The following TPD52L1 variants were observed in gnomAD, a reference collection of about 807,000 sequenced individuals.
The protein encoded by TPD52L1 is tumor protein D53.
Under a neutral mutation model 28.7 loss-of-function variants are expected in TPD52L1, and 18 were observed. The observed-to-expected ratio is 0.63, with a 90% CI of 0.43 to 0.93. TPD52L1 has a LOEUF of 0.93. TPD52L1 is among the 40% of genes least tolerant of loss of function. TPD52L1 has a pLI of 0.00. For synonymous variants in TPD52L1, 75 were observed against 88.8 expected, an observed-to-expected ratio of 0.84 and a Z score of 0.88; for missense variants, 203 against 254.8, an observed-to-expected ratio of 0.80 and a Z score of 1.39.
chr6:125,220,993 A>G (rs1230460310), intron 2 of TPD52L1, among the ~76,000 whole-genome samples: 1 of 152,194 alleles, frequency 6.6e-6, no homozygotes, highest in Non-Finnish European at 1.5e-5. Context: ...TTCCCACAGA[A>G]GCAAGGCTTG....
intron 1 of TPD52L1, among the ~76,000 whole-genome samples, chr6:125,169,261 T>C (rs545749354): frequency 7.9e-5 from 12 of 152,092 alleles, no homozygotes; most frequent in African/African-American, 2.7e-4. Context: ...CTGCTTCTTC[T>C]TTCTATCTAC....
At position 125,258,435 on chromosome 6, in the gene TPD52L1, TAGA is replaced by T. The variant is rs1797733555; in HGVS notation, c.486+1281_486+1283del. On this transcript the variant is annotated intron_variant, in intron 6 of 6. Coordinates refer to ENST00000534000, the MANE Select transcript of TPD52L1 (RefSeq NM_003287.4). ...TGTTGTGAACATTTGATCTTCTTGC[TAGA>T]AGATCAAAATGAAAGGCTCAAAAAT... Among the ~76,000 whole-genome samples, 15 of 152,232 alleles carry T rather than the reference TAGA, an allele frequency of 9.9e-5. No individual in the cohort carries two copies. In the South Asian group the frequency reaches 3.1e-3, roughly 32 times the overall value.
At chr6:125,239,103 G>A (rs1221830086) in intron 3 of TPD52L1, among the ~76,000 whole-genome samples, 1 of 152,124 alleles carries the variant, frequency 6.6e-6, no homozygotes, top group African/African-American at 2.4e-5. Context: ...CAGTGTAAAA[G>A]TATTCACTTT....
intron 1 of TPD52L1, among the ~76,000 whole-genome samples, chr6:125,189,784 A>C (rs1792911225): frequency 6.6e-6 from 1 of 152,016 alleles, no homozygotes; most frequent in Admixed American, 6.6e-5. Context: ...TACTGAAGGA[A>C]CTCGATTTTA....
At chr6:125,224,843 A>G (rs1795501310) in intron 2 of TPD52L1, among the ~76,000 whole-genome samples, 1 of 152,246 alleles carries the variant, frequency 6.6e-6, no homozygotes, top group Non-Finnish European at 1.5e-5. Flanking sequence ...AATTCAGACT[A>G]GTTAGTTCAC....
Position 125,263,134 on chromosome 6 carries a change from A to G in TPD52L1, c.*172A>G. The G allele has an allele frequency of 1.4e-6, 1 of 731,302 alleles. No homozygotes were observed. The highest frequency in any genetic ancestry group is 2.1e-6 in the Non-Finnish European group (1 of 466,018). 45.3% of individuals were successfully genotyped at this position (731,302 alleles called of 1,614,324 possible). A position where few individuals can be genotyped will look rare whatever the true frequency, so the allele number is the denominator to read the frequency against. On this transcript the variant is annotated 3_prime_UTR_variant, in exon 7 of 7. Transcript: ENST00000534000. The stretch of plus-strand genomic sequence containing the variant: ...ATGATTTCCATTTGTATTTGTGTTG[A>G]TGATGGACCACTTGACCATCACATT...
intron 1 of TPD52L1, among the ~76,000 whole-genome samples, chr6:125,182,379 C>T (rs962300752): frequency 6.6e-6 from 1 of 152,020 alleles, no homozygotes; most frequent in Non-Finnish European, 1.5e-5. Flanking sequence ...GAGCTGGAGT[C>T]GTGAGCAAAG....
rs559154046 is a variant in TPD52L1, at chr6:125,262,930, C to T, written c.583C>T (p.Arg195Trp). Residue 195 changes from arginine (R) to tryptophan (W), a missense_variant, in exon 7 of 7, where the codon CGG becomes TGG. Transcript: ENST00000534000. ...ASAQSLAGGS[R>W]RTKEEELQC is the part of the protein sequence containing the mutation. ...TGCCCAGAGCTTGGCAGGAGGCTCC[C>T]GGCGGACCAAGGAGGAGGAGCTGCA... 1.4e-5 allele frequency: 23 copies of T among 1,614,108 alleles called. No individual in the cohort carries two copies. The highest frequency in any genetic ancestry group is 8.0e-5 in the African/African-American group (6 of 75,060).
At chr6:125,262,189 G>A (rs1798099077) in intron 6 of TPD52L1, 1 of 152,234 alleles carries the variant, frequency 6.6e-6, no homozygotes, top group African/African-American at 2.4e-5. Context: ...CTCCTTGCTA[G>A]GATTATGAGG....
At chr6:125,228,457 T>A (rs778770574) in intron 2 of TPD52L1, among the ~76,000 whole-genome samples, 1 of 152,256 alleles carries the variant, frequency 6.6e-6, no homozygotes, top group Non-Finnish European at 1.5e-5. Flanking sequence ...CCCTTGTTCC[T>A]TCCTTTCTTA....
chr6:125,246,659 C>T (rs374443800), intron 3 of TPD52L1, among the ~76,000 whole-genome samples: 1 of 151,964 alleles, frequency 6.6e-6, no homozygotes, highest in African/African-American at 2.4e-5. Flanking sequence ...ATTTTTTGGA[C>T]CTTCAGAGAA....
chr6:125,243,919 G>C (rs1363905824), intron 3 of TPD52L1, among the ~76,000 whole-genome samples: 1 of 151,900 alleles, frequency 6.6e-6, no homozygotes, highest in Non-Finnish European at 1.5e-5. Context: ...TCTCATTTGG[G>C]TAGACTATTT....
intron 1 of TPD52L1, among the ~76,000 whole-genome samples, chr6:125,210,240 G>A (rs1011291953): frequency 2.6e-5 from 4 of 152,160 alleles, no homozygotes; most frequent in African/African-American, 9.7e-5. Context: ...ATGAATGAAT[G>A]AATGAACAAA....
intron 1 of TPD52L1, among the ~76,000 whole-genome samples, chr6:125,204,590 C>T (rs1793996192): frequency 6.6e-6 from 1 of 152,098 alleles, no homozygotes. Flanking sequence ...CGCCATTCTC[C>T]TGCCTCAGCC....
At chr6:125,223,721 A>AAG (rs1795410495) in intron 2 of TPD52L1, among the ~76,000 whole-genome samples, 2 of 146,226 alleles carry the variant, frequency 1.4e-5, no homozygotes, top group Non-Finnish European at 3.0e-5. Context: ...AAAAAAAAAA[A>AAG]AAAAAAAAAA....
chr6:125,257,308 A>C, intron 6 of TPD52L1, 150 bp downstream of exon 6: 1 of 581,018 alleles, frequency 1.7e-6, no homozygotes, highest in Admixed American at 3.2e-5. Context: ...TATGAATAAA[A>C]CCACTATTGA....
At chr6:125,241,015 G>A (rs1461037641) in intron 3 of TPD52L1, among the ~76,000 whole-genome samples, 1 of 151,916 alleles carries the variant, frequency 6.6e-6, no homozygotes, top group African/African-American at 2.4e-5. Flanking sequence ...TGCTGATTAT[G>A]CAGAGATCTT....
At chr6:125,228,980 G>T in intron 2 of TPD52L1, 138 bp from the exon 3 acceptor site, 1 of 681,176 alleles carries the variant, frequency 1.5e-6, no homozygotes, top group Non-Finnish European at 2.4e-6. Flanking sequence ...CATCTGTATG[G>T]GGTGTATTTG....
intron 2 of TPD52L1, among the ~76,000 whole-genome samples, chr6:125,222,641 G>C (rs144980539): frequency 4.2e-4 from 64 of 152,318 alleles, no homozygotes; most frequent in Non-Finnish European, 8.7e-4. Context: ...ATTATTTTGA[G>C]CCTTGAAGGA....
Sources: allele counts gnomAD v4.1 joint callset (sites outside exome capture counted in the v4.1 genomes callset), GRCh38; gene constraint gnomAD v4.1.1; transcripts MANE v1.5; gene names NCBI Gene and HGNC (gene_info 2026-07-23, HGNC 2026-07-21).